SRPK1: variants seen among roughly 807,000 people sequenced by gnomAD.
SRPK1 encodes SRSF protein kinase 1, also known as SFRS protein kinase 1.
Under a neutral mutation model 89.5 loss-of-function variants are expected in SRPK1, and 52 were observed. That is an observed-to-expected ratio of 0.58 (90% CI 0.46 to 0.73). The LOEUF (loss-of-function observed/expected upper bound fraction) is 0.73. SRPK1 is among the 30% of genes least tolerant of loss of function. The probability of loss-of-function intolerance (pLI) is 0.00; values close to 1 mark genes in which losing one functional copy is unlikely to be tolerated. For synonymous variants in SRPK1, 255 were observed against 270.2 expected (o/e 0.94, Z 0.55); for missense variants, 603 against 780.6 (o/e 0.77, Z 2.71).
intron 13 of SRPK1, 104 bp from the exon 14 acceptor site, chr6:35,842,708 G>T: frequency 2.0e-5 from 12 of 587,744 alleles, no homozygotes; most frequent in South Asian, 4.5e-5. Context: ...GTTCCCTTGG[G>T]AAAACTTATA....
chr6:35,890,184 A>C (rs946907795), intron 3 of SRPK1, among the ~76,000 whole-genome samples: 1 of 152,130 alleles, frequency 6.6e-6, no homozygotes, highest in Admixed American at 6.5e-5. Context: ...AATCGCTTGA[A>C]TCCAGGAGTC....
At chr6:35,908,237 T>C (rs1457266879) in intron 2 of SRPK1, among the ~76,000 whole-genome samples, 4 of 151,750 alleles carry the variant, frequency 2.6e-5, no homozygotes, top group Admixed American at 6.6e-5. Context: ...TGGGCAGAGG[T>C]TGGAACAGTT....
intron 12 of SRPK1, 29 bp downstream of exon 12, chr6:35,868,981 A>C: frequency 1.9e-6 from 3 of 1,591,336 alleles, no homozygotes; most frequent in Non-Finnish European, 2.6e-6. Context: ...CAGTCACTTC[A>C]AAACACCATT....
rs1016958920 is a variant in SRPK1, at chr6:35,886,886, T to A, written c.391-75A>T. The stretch of plus-strand genomic sequence containing the variant: ...AACCAGATGGTAGGGGAAGAATACT[T>A]ACAGCAAATTAACTACAAGAAAGAG... On this transcript the variant is annotated intron_variant, in intron 5 of 15. Transcript: ENST00000373825. The A allele has an allele frequency of 2.2e-5, 17 of 777,452 alleles. No individual in the cohort carries two copies. The African/African-American group carries it at 2.3e-4, about 10-fold the overall frequency. The allele number at this position is 777,452 out of a possible 1,614,324, so 48.2% of individuals were successfully genotyped here.
chr6:35,846,261 A>C (rs1769423621), intron 13 of SRPK1, among the ~76,000 whole-genome samples: 1 of 132,732 alleles, frequency 7.5e-6, no homozygotes, highest in South Asian at 2.7e-4. Context: ...CCCATCTCTT[A>C]AGAAAAAAAA....
At chr6:35,898,255 C>T (rs1021706972) in intron 2 of SRPK1, among the ~76,000 whole-genome samples, 4 of 152,002 alleles carry the variant, frequency 2.6e-5, no homozygotes, top group Non-Finnish European at 5.9e-5. Context: ...TTATTCTAAG[C>T]GAAGTAAATC....
At chr6:35,886,998 TACAACCA>T (rs750792997) in intron 5 of SRPK1, among the ~76,000 whole-genome samples, 187 bp from the exon 6 acceptor site, 2 of 152,196 alleles carry the variant, frequency 1.3e-5, no homozygotes, top group South Asian at 2.1e-4. Context: ...TAAGAGGAAA[TACAACCA>T]ACAGGAACTA....
rs185083950 is a variant in SRPK1, at chr6:35,900,252, A to C, written c.75-9239T>G. ...GCCTCTCGCCTTATGTGTAAAATGA[A>C]GGCAGAAATGATGCCTACCTCATAG... On this transcript the variant is annotated intron_variant, in intron 2 of 15. Transcript: ENST00000373825. Among the ~76,000 whole-genome samples the C allele has an allele frequency of 3.3e-4, 50 of 152,340 alleles. No individual in the cohort carries two copies. The East Asian group carries it at 9.4e-3, about 29-fold the overall frequency.
At chr6:35,890,636 T>G (rs1216949025) in intron 3 of SRPK1, among the ~76,000 whole-genome samples, 1 of 152,250 alleles carries the variant, frequency 6.6e-6, no homozygotes, top group Admixed American at 6.5e-5. Context: ...CTTTCTTTTC[T>G]GTTTAACACA....
intron 2 of SRPK1, among the ~76,000 whole-genome samples, chr6:35,912,316 ACTCCAGCCT>A (rs1770988275): frequency 6.6e-6 from 1 of 152,176 alleles, no homozygotes; most frequent in Non-Finnish European, 1.5e-5. Flanking sequence ...GCACCACTGC[ACTCCAGCCT>A]GGGCAACAGT....
At chr6:35,895,340 G>T (rs1246055882) in intron 2 of SRPK1, among the ~76,000 whole-genome samples, 2 of 152,156 alleles carry the variant, frequency 1.3e-5, no homozygotes, top group Non-Finnish European at 2.9e-5. Flanking sequence ...TTAGGGGCCA[G>T]TTGGGAGAGA....
At chr6:35,868,277 C>T (rs1232009674) in intron 12 of SRPK1, among the ~76,000 whole-genome samples, 4 of 152,146 alleles carry the variant, frequency 2.6e-5, no homozygotes, top group Non-Finnish European at 5.9e-5. Flanking sequence ...AGCCACCGTG[C>T]CTGGCTAACT....
chr6:35,910,716 C>T (rs375934015), intron 2 of SRPK1, among the ~76,000 whole-genome samples: 26 of 152,152 alleles, frequency 1.7e-4, no homozygotes, highest in Admixed American at 3.9e-4. Flanking sequence ...TAGCAGCTAA[C>T]GTACCTAGTG....
intron 2 of SRPK1, among the ~76,000 whole-genome samples, chr6:35,908,769 C>T (rs953086735): frequency 4.2e-4 from 64 of 152,168 alleles, no homozygotes; most frequent in African/African-American, 1.3e-3. Context: ...GAGATCTTGG[C>T]GACAGCCCCT....
At chr6:35,910,202 C>T (rs553914164) in intron 2 of SRPK1, among the ~76,000 whole-genome samples, 113 of 152,238 alleles carry the variant, frequency 7.4e-4, no homozygotes, top group Middle Eastern at 6.8e-3. Context: ...AGGCTGGTCT[C>T]GAACTCCCGA....
chr6:35,880,894 G>C (rs1460849927), intron 6 of SRPK1, among the ~76,000 whole-genome samples: 15 of 150,526 alleles, frequency 1.0e-4, no homozygotes, highest in South Asian at 4.2e-4. Context: ...CCCACATCAA[G>C]ACACATTATA....
chr6:35,848,632 C>A (rs942474355), intron 13 of SRPK1, among the ~76,000 whole-genome samples: 1 of 152,168 alleles, frequency 6.6e-6, no homozygotes, highest in African/African-American at 2.4e-5. Context: ...ATTAAAACAG[C>A]ATGGTCCTGG....
At chr6:35,916,804 A>G (rs1771112836) in intron 2 of SRPK1, among the ~76,000 whole-genome samples, 1 of 152,240 alleles carries the variant, frequency 6.6e-6, no homozygotes, top group Non-Finnish European at 1.5e-5. Context: ...CACACCTGTA[A>G]TACCAGCACT....
chr6:35,866,356 T>C (rs1057328744), intron 12 of SRPK1, among the ~76,000 whole-genome samples: 6 of 151,996 alleles, frequency 3.9e-5, no homozygotes, highest in African/African-American at 9.7e-5. Context: ...GAGGCCGAGG[T>C]AGGCAGATCA....
Sources: allele counts gnomAD v4.1 joint callset (sites outside exome capture counted in the v4.1 genomes callset), GRCh38; gene constraint gnomAD v4.1.1; transcripts MANE v1.5; gene names NCBI Gene and HGNC (gene_info 2026-07-23, HGNC 2026-07-21).